SLC44A1: variants seen among roughly 807,000 people sequenced by gnomAD.
SLC44A1 encodes choline transporter-like protein 1.
A neutral mutation model predicts 79.3 loss-of-function variants in SLC44A1; 26 were observed. The ratio of observed to expected loss-of-function variants is 0.33; its 90% CI spans 0.24 to 0.46. SLC44A1 has a LOEUF of 0.46. SLC44A1 is among the 20% of genes least tolerant of loss of function. The pLI is 1.00. For missense variants in SLC44A1, 688 were observed against 798.1 expected, an observed-to-expected ratio of 0.86 and a Z score of 1.66; for synonymous variants, 263 against 286.2, an observed-to-expected ratio of 0.92 and a Z score of 0.82.
intron 8 of SLC44A1, among the ~76,000 whole-genome samples, chr9:105,362,401 G>T (rs1004080102): frequency 1.3e-5 from 2 of 152,160 alleles, no homozygotes; most frequent in South Asian, 4.1e-4. Context: ...GGGGGTGGGA[G>T]GAGGCAAAGG....
intron 15 of SLC44A1, among the ~76,000 whole-genome samples, chr9:105,430,071 C>T (rs1564061185): frequency 6.6e-6 from 1 of 151,966 alleles, no homozygotes; most frequent in South Asian, 2.1e-4. Context: ...CAATGCCCGG[C>T]GAATTTTTAA....
chr9:105,411,398 C>T (rs1462069483), intron 15 of SLC44A1, among the ~76,000 whole-genome samples: 2 of 151,668 alleles, frequency 1.3e-5, no homozygotes, highest in African/African-American at 4.8e-5. Context: ...CTCCCTCTCT[C>T]TTGCTCTGTC....
At chr9:105,245,232 C>G (rs1369441046) in intron 1 of SLC44A1, among the ~76,000 whole-genome samples, 3 of 152,128 alleles carry the variant, frequency 2.0e-5, no homozygotes, top group African/African-American at 7.2e-5. Flanking sequence ...GCACTGGCGC[C>G]TCCTCTGCCC....
rs1828716531 is a variant in SLC44A1 at position 105,389,753 on chromosome 9, A to G, written c.*697A>G. ...TAGGTAAAAAAAGAAAAGGGTAGAT[A>G]ATCTTTCGTATGCAAACTTTTCCCT... On this transcript the variant is annotated 3_prime_UTR_variant, in exon 16 of 16. Transcript: ENST00000374720. The G allele has an allele frequency of 1.5e-6, 2 of 1,300,758 alleles. No individual in the cohort carries two copies. Among genetic ancestry groups the G allele is most frequent in the Non-Finnish European group, 2.0e-6 (2 of 1,019,516 alleles). 80.6% of individuals were successfully genotyped at this position (1,300,758 alleles called of 1,614,324 possible). A position where few individuals can be genotyped will look rare whatever the true frequency, so the allele number is the denominator to read the frequency against.
chr9:105,275,428 A>C (rs1830176451), intron 1 of SLC44A1, among the ~76,000 whole-genome samples: 1 of 152,202 alleles, frequency 6.6e-6, no homozygotes, highest in African/African-American at 2.4e-5. Context: ...TTTTGCTTTC[A>C]GCTCTTGAAT....
rs1441449909 is a variant in SLC44A1 at position 105,392,401 on chromosome 9, CTCTTTTTTTTTTTT to C, written c.*3347_*3360del. The C allele has an allele frequency of 2.7e-4, 87 of 319,080 alleles. No homozygotes were observed. The highest frequency in any genetic ancestry group is 2.3e-3 in the African/African-American group (66 of 28,360). The allele number at this position is 319,080 out of a possible 1,614,324, so 19.8% of individuals were successfully genotyped here. A position where few individuals can be genotyped will look rare whatever the true frequency, so the allele number is the denominator to read the frequency against. On this transcript the variant is annotated 3_prime_UTR_variant, in exon 16 of 16. Coordinates refer to ENST00000374720, the MANE Select transcript of SLC44A1 (RefSeq NM_080546.5). ...TTGTAGAGATGCTCTCTCTCTCTCT[CTCTTTTTTTTTTTT>C]TTTTTTTTTTTTTTTCCGTGAGGGC...
chr9:105,338,590 C>A (rs906373309), intron 4 of SLC44A1, among the ~76,000 whole-genome samples: 1 of 151,952 alleles, frequency 6.6e-6, no homozygotes, highest in African/African-American at 2.4e-5. Flanking sequence ...AATTTTTTTA[C>A]TTATATGGCA....
intron 1 of SLC44A1, among the ~76,000 whole-genome samples, chr9:105,246,722 C>CT (rs1265417866): frequency 6.6e-6 from 1 of 152,096 alleles, no homozygotes; most frequent in Admixed American, 6.5e-5. Context: ...GGTGAAATGC[C>CT]TTTAAGACAG....
chr9:105,337,742 A>T (rs1255266738), intron 4 of SLC44A1, among the ~76,000 whole-genome samples: 1 of 152,182 alleles, frequency 6.6e-6, no homozygotes, highest in African/African-American at 2.4e-5. Flanking sequence ...CTGAGCTGTC[A>T]TCTGGAGGGC....
At chr9:105,247,188 T>C (rs442605) in intron 1 of SLC44A1, among the ~76,000 whole-genome samples, 32,920 of 152,030 alleles carry the variant, frequency 0.22, 6,731 homozygotes, top group African/African-American at 0.54. Flanking sequence ...TCAGGAGCAT[T>C]ACCAGTTTTA....
chr9:105,254,071 C>A (rs1829650028), intron 1 of SLC44A1, among the ~76,000 whole-genome samples: 2 of 152,106 alleles, frequency 1.3e-5, no homozygotes, highest in South Asian at 2.1e-4. Flanking sequence ...ATAAAAAAAA[C>A]CCTTAAATCC....
Position 105,406,521 on chromosome 9 carries a change from G to T in SLC44A1, c.1950+21019G>T, listed in dbSNP as rs577654637. Among the ~76,000 whole-genome samples the T allele has an allele frequency of 3.9e-5, 6 of 152,188 alleles. No homozygotes were observed. In the South Asian group the frequency reaches 8.3e-4, roughly 21 times the overall value. On this transcript the variant is annotated intron_variant, in intron 15 of 15. Coordinates refer to the SLC44A1 transcript ENST00000374724. Reference sequence around the variant, plus strand: ...CTTGGGAGGCTGAGGCAGGAGGATTGCTTGAGGCCAGGAGTTCAAGACCAG... The same window carrying T: ...CTTGGGAGGCTGAGGCAGGAGGATTTCTTGAGGCCAGGAGTTCAAGACCAG...
chr9:105,318,545 A>T (rs1049644544), intron 3 of SLC44A1, among the ~76,000 whole-genome samples: 1 of 152,214 alleles, frequency 6.6e-6, no homozygotes, highest in Non-Finnish European at 1.5e-5. Context: ...TAAAGACGCT[A>T]ACTAAATTTT....
intron 3 of SLC44A1, among the ~76,000 whole-genome samples, chr9:105,318,717 A>G (rs776483603): frequency 1.4e-5 from 2 of 148,116 alleles, no homozygotes; most frequent in Non-Finnish European, 2.9e-5. Context: ...AATTTGAAAG[A>G]GGAGATCCAG....
chr9:105,246,409 A>G (rs1326754445), intron 1 of SLC44A1, among the ~76,000 whole-genome samples: 2 of 119,530 alleles, frequency 1.7e-5, no homozygotes, highest in Admixed American at 8.3e-5. Context: ...CTTACCCGTT[A>G]GCTTTTTTTT....
rs368524928 is a variant in SLC44A1, at chr9:105,304,893, G to A, written c.127-4831G>A. Among the ~76,000 whole-genome samples, 56 of 112,422 alleles carry A rather than the reference G, an allele frequency of 5.0e-4. No individual in the cohort carries two copies. In the South Asian group the frequency reaches 0.017, roughly 35 times the overall value. 73.8% of individuals were successfully genotyped at this position (112,422 alleles called of 152,430 possible). ...TTCTTTTAGGGTAAACCTTGCATTT[G>A]TATATGCTCAATAAATGCTTATTGA... On this transcript the variant is annotated intron_variant, in intron 2 of 15. Transcript: ENST00000374720.
At chr9:105,354,225 TA>T (rs1827548680) in intron 5 of SLC44A1, among the ~76,000 whole-genome samples, 2 of 150,726 alleles carry the variant, frequency 1.3e-5, no homozygotes, top group African/African-American at 4.9e-5. Context: ...TAATTTTTTG[TA>T]TTTTTAGTAG....
rs1042174031 is a variant in SLC44A1, at chr9:105,383,197, G to A, written c.1707G>A (p.Val569=). 1.2e-6 allele frequency: 2 copies of A among 1,614,018 alleles called. No homozygotes were observed. The highest frequency in any genetic ancestry group is 2.7e-5 in the African/African-American group (2 of 74,900). The change falls in exon 14 of 16, where the codon GTG becomes GTA. Residue 569 remains valine (V), a synonymous_variant. Transcript: ENST00000374720. ...LNYQQDYTVW[V]LPLIIVCLFA... ...ACCAGCAGGACTACACAGTATGGGT[G>A]CTGCCTCTGATCATCGTCTGCCTCT...
At chr9:105,261,262 C>T (rs1481899953) in intron 1 of SLC44A1, among the ~76,000 whole-genome samples, 1 of 152,170 alleles carries the variant, frequency 6.6e-6, no homozygotes, top group Non-Finnish European at 1.5e-5. Flanking sequence ...AGGTAATCAG[C>T]ACTGGACGAT....
Sources: gnomAD v4.1 joint callset for allele counts (sites outside exome capture counted in the v4.1 genomes callset) on GRCh38, gnomAD v4.1.1 for gene constraint, MANE v1.5 for transcripts, NCBI Gene and HGNC (gene_info 2026-07-23, HGNC 2026-07-21) for gene names.